PTK2: variants seen among roughly 807,000 people sequenced by gnomAD.
PTK2 encodes focal adhesion kinase 1.
In PTK2, 45 loss-of-function variants were observed where a neutral mutation model predicts 150.1. That is an observed-to-expected ratio of 0.30 (90% CI 0.24 to 0.38). The LOEUF (loss-of-function observed/expected upper bound fraction) is 0.38. PTK2 is among the 10% of genes least tolerant of loss of function. PTK2 has a pLI of 1.00. For synonymous variants in PTK2, 432 were observed against 449.2 expected (o/e 0.96, Z 0.48); for missense variants, 919 against 1,307.3 (o/e 0.70, Z 4.58).
At chr8:140,728,355 A>G (rs1336745281) in intron 22 of PTK2, among the ~76,000 whole-genome samples, 3 of 152,202 alleles carry the variant, frequency 2.0e-5, no homozygotes, top group African/African-American at 7.2e-5. Context: ...ACAAATAACT[A>G]TATATTTTTA....
chr8:140,805,550 C>CAA (rs59135954), intron 10 of PTK2, among the ~76,000 whole-genome samples: 5 of 82,232 alleles, frequency 6.1e-5, no homozygotes, highest in East Asian at 3.5e-4. Flanking sequence ...AACTCTGTCT[C>CAA]AAAAAAAAAA....
At chr8:140,680,516 T>C (rs1169510831) in intron 27 of PTK2, among the ~76,000 whole-genome samples, 4 of 152,240 alleles carry the variant, frequency 2.6e-5, no homozygotes, top group Non-Finnish European at 5.9e-5. Context: ...CAGTTCTGCA[T>C]AATCCTTCTA....
chr8:140,725,741 A>AT (rs2154336178), intron 22 of PTK2, among the ~76,000 whole-genome samples: 1 of 152,318 alleles, frequency 6.6e-6, no homozygotes, highest in East Asian at 1.9e-4. Context: ...TAAGGCTAAA[A>AT]TAATGGAACA....
At chr8:140,797,650 T>C (rs2100092533) in intron 12 of PTK2, among the ~76,000 whole-genome samples, 1 of 152,188 alleles carries the variant, frequency 6.6e-6, no homozygotes, top group Admixed American at 6.5e-5. Context: ...TACAGAATTT[T>C]ACTAACACTG....
chr8:140,786,932 C>A (rs982042190), intron 14 of PTK2, among the ~76,000 whole-genome samples: 1 of 151,982 alleles, frequency 6.6e-6, no homozygotes, highest in Admixed American at 6.6e-5. Context: ...GATGGGAGAG[C>A]CACAGCCACC....
chr8:140,849,402 T>C (rs1301591128), intron 5 of PTK2, among the ~76,000 whole-genome samples: 1 of 152,242 alleles, frequency 6.6e-6, no homozygotes, highest in Non-Finnish European at 1.5e-5. Flanking sequence ...CTCAGAATTA[T>C]GTACACACTT....
At chr8:140,798,431 T>C (rs948993104) in intron 12 of PTK2, among the ~76,000 whole-genome samples, 7 of 152,190 alleles carry the variant, frequency 4.6e-5, no homozygotes, top group African/African-American at 1.4e-4. Flanking sequence ...CAATATAAAA[T>C]TGGAAACAAC....
intron 8 of PTK2, 99 bp downstream of exon 8, chr8:140,830,373 A>G: frequency 1.4e-6 from 1 of 721,322 alleles, no homozygotes; most frequent in Non-Finnish European, 2.3e-6. Flanking sequence ...CATGTAAGGA[A>G]GGAAACTACA....
chr8:140,690,815 T>C (rs2100022740), intron 26 of PTK2, among the ~76,000 whole-genome samples: 1 of 152,224 alleles, frequency 6.6e-6, no homozygotes. Context: ...AACGTTCCAC[T>C]GCATGATTAT....
At chr8:140,879,414 T>C (rs2100147611) in intron 4 of PTK2, 57 bp downstream of exon 4, 2 of 1,495,002 alleles carry the variant, frequency 1.3e-6, no homozygotes, top group Admixed American at 4.4e-5. Flanking sequence ...TTGTGCATGT[T>C]TTTAAAAAGC....
chr8:140,888,928 C>T (rs1321696730), intron 3 of PTK2, among the ~76,000 whole-genome samples: 1 of 152,158 alleles, frequency 6.6e-6, no homozygotes, highest in Non-Finnish European at 1.5e-5. Flanking sequence ...AAAAGCCTTA[C>T]ATAAAGTTAC....
chr8:140,928,957 A>G (rs1359334105), intron 1 of PTK2, among the ~76,000 whole-genome samples: 1 of 92,206 alleles, frequency 1.1e-5, no homozygotes. Context: ...TTTTATCACA[A>G]TTTTTTTTTT....
chr8:140,719,459 G>A (rs1040318169), intron 22 of PTK2, among the ~76,000 whole-genome samples: 1 of 152,020 alleles, frequency 6.6e-6, no homozygotes, highest in African/African-American at 2.4e-5. Flanking sequence ...GCCAGGTCTG[G>A]GGAAGGAGCA....
chr8:140,743,166 A>G (rs1385825540), intron 20 of PTK2, 64 bp downstream of exon 23: 1 of 1,123,942 alleles, frequency 8.9e-7, no homozygotes, highest in Non-Finnish European at 1.3e-6. Flanking sequence ...ATTAGAACAT[A>G]CTGTTTTTAG....
intron 29 of PTK2, 163 bp from the exon 34 acceptor site, chr8:140,668,587 A>T: frequency 2.7e-6 from 2 of 736,542 alleles, no homozygotes; most frequent in Non-Finnish European, 4.1e-6. Context: ...ATGACAGTAA[A>T]GTAATTCCTC....
intron 4 of PTK2, among the ~76,000 whole-genome samples, chr8:140,875,555 G>A (rs2100145005): frequency 6.6e-6 from 1 of 152,210 alleles, no homozygotes; most frequent in Non-Finnish European, 1.5e-5. Context: ...GTGATGAGAA[G>A]CTACTGGAAG....
chr8:140,829,090 G>A (rs1287953159), intron 8 of PTK2, among the ~76,000 whole-genome samples: 6 of 152,158 alleles, frequency 3.9e-5, no homozygotes, highest in Admixed American at 3.3e-4. Flanking sequence ...AATAGATCAG[G>A]AAACTTGAAT....
rs149770130 is a variant in PTK2 at position 140,856,926 on chromosome 8, G to A, written c.450+7386C>T. Among the ~76,000 whole-genome samples the A allele has an allele frequency of 6.6e-5, 10 of 152,306 alleles. No individual in the cohort carries two copies. The East Asian group carries it at 1.9e-3, about 29-fold the overall frequency. On this transcript the variant is annotated intron_variant, in intron 5 of 31. Coordinates refer to ENST00000522684, the Ensembl canonical transcript of PTK2. ...GATGGAGAGATAAAAACAGTTATGT[G>A]ATAAAGGAAGCATAACAAACGTTAA...
At chr8:140,834,848 T>G (rs570766722) in intron 7 of PTK2, among the ~76,000 whole-genome samples, 1 of 152,246 alleles carries the variant, frequency 6.6e-6, no homozygotes, top group Non-Finnish European at 1.5e-5. Context: ...CTGACTGATA[T>G]GGTCTTCTTT....
Sources: allele counts gnomAD v4.1 joint callset (sites outside exome capture counted in the v4.1 genomes callset), GRCh38; gene constraint gnomAD v4.1.1; transcripts MANE v1.5; gene names NCBI Gene and HGNC (gene_info 2026-07-23, HGNC 2026-07-21).